Variants in TSPAN15 observed in about 807,000 individuals in gnomAD.
TSPAN15 encodes tetraspanin-15.
Under a neutral mutation model 34.5 loss-of-function variants are expected in TSPAN15, and 20 were observed. The observed-to-expected ratio is 0.58, with a 90% CI of 0.41 to 0.84. TSPAN15 has a LOEUF of 0.84. Ranked by LOEUF, TSPAN15 falls within the 40% of genes least tolerant of loss-of-function variation. The pLI is 0.00. For missense variants in TSPAN15, 313 were observed against 386.1 expected (o/e 0.81, Z 1.59); for synonymous variants, 155 against 153.9 (o/e 1.01, Z -0.05).
chr10:69,517,394 G>A, the TSPAN15 span, among the ~76,000 whole-genome samples: 2 of 152,338 alleles, frequency 1.3e-5, no homozygotes, highest in Non-Finnish European at 1.5e-5. Context: ...AGGAGCTGCC[G>A]GGGGCTCGGC....
At chr10:69,484,744 G>A (rs1444591396) in intron 2 of TSPAN15, among the ~76,000 whole-genome samples, 1 of 152,106 alleles carries the variant, frequency 6.6e-6, no homozygotes, top group African/African-American at 2.4e-5. Context: ...TCACATCTGA[G>A]GGCTCTCTGT....
chr10:69,537,499 C>A, the TSPAN15 span, among the ~76,000 whole-genome samples: 2 of 152,196 alleles, frequency 1.3e-5, no homozygotes, highest in Admixed American at 1.3e-4. Flanking sequence ...GTCGTCAGGG[C>A]CAGGCTCCCT....
chr10:69,524,137 A>C, the TSPAN15 span, among the ~76,000 whole-genome samples: 1 of 148,038 alleles, frequency 6.8e-6, no homozygotes, highest in Non-Finnish European at 1.5e-5. Context: ...CTCAGTCCTG[A>C]TGGTTCAGTA....
Position 69,507,524 on chromosome 10 carries a change from G to A in TSPAN15, c.*546G>A, listed in dbSNP as rs1305557794. On this transcript the variant is annotated 3_prime_UTR_variant, in exon 8 of 8. Transcript: ENST00000373290. ...TTCCTTGAGCCTAGTTTTTTTACGT[G>A]ATTTTTGTAACATTCATTTTTTTGT... 1 of 1,304,152 alleles carries A rather than the reference G, an allele frequency of 7.7e-7. No individual in the cohort carries two copies. Among genetic ancestry groups the A allele is most frequent in the Non-Finnish European group, 1.0e-6 (1 of 989,034 alleles). The allele number at this position is 1,304,152 out of a possible 1,614,324, so 80.8% of individuals were successfully genotyped here.
chr10:69,463,127 C>A (rs766115384), intron 1 of TSPAN15, among the ~76,000 whole-genome samples: 3 of 152,226 alleles, frequency 2.0e-5, no homozygotes, highest in Middle Eastern at 3.2e-3. Flanking sequence ...GGTTTCTATG[C>A]AGTTACCTTT....
At chr10:69,544,606 G>A in the TSPAN15 span, among the ~76,000 whole-genome samples, 1 of 152,208 alleles carries the variant, frequency 6.6e-6, no homozygotes, top group Admixed American at 6.5e-5. Flanking sequence ...CTTAACTTTG[G>A]TTGCCCAACA....
chr10:69,509,208 T>A (rs2133176085), downstream of TSPAN15, among the ~76,000 whole-genome samples: 1 of 152,218 alleles, frequency 6.6e-6, no homozygotes, highest in Non-Finnish European at 1.5e-5. Context: ...TCTTCCCTCT[T>A]TCCAGCACCA....
chr10:69,453,044 A>T (rs1841008912), intron 1 of TSPAN15, among the ~76,000 whole-genome samples: 1 of 152,160 alleles, frequency 6.6e-6, no homozygotes, highest in Admixed American at 6.5e-5. Context: ...TGGGCCTCAG[A>T]ACTGTTCATT....
At chr10:69,473,043 A>C (rs1351978720) in intron 1 of TSPAN15, among the ~76,000 whole-genome samples, 3 of 152,112 alleles carry the variant, frequency 2.0e-5, no homozygotes, top group African/African-American at 4.8e-5. Context: ...CATAGTTAAT[A>C]CTCTCAATAT....
At position 69,506,793 on chromosome 10, in the gene TSPAN15, C is replaced by T. The variant is rs921132179; in HGVS notation, c.736-36C>T. ...CTGCAGGGAGGGCTGCCCTGATTCC[C>T]AGCAGGCCCTCACCAGCCCTGCCCC... is the stretch of plus-strand genomic sequence containing the variant. On this transcript the variant is annotated intron_variant, in intron 7 of 7. Transcript: ENST00000373290. The surrounding 1 kb of genome is among the most constrained non-coding windows in gnomAD (Gnocchi z 4.7). 6.5e-7 allele frequency: 1 copy of T among 1,548,668 alleles called. No individual in the cohort carries two copies.
At chr10:69,521,860 A>G in the TSPAN15 span, among the ~76,000 whole-genome samples, 4 of 147,438 alleles carry the variant, frequency 2.7e-5, 1 homozygote, top group Non-Finnish European at 6.0e-5. Flanking sequence ...CCATAATGAC[A>G]TTAACCGATT....
chr10:69,543,989 A>G, the TSPAN15 span, among the ~76,000 whole-genome samples: 1 of 151,228 alleles, frequency 6.6e-6, no homozygotes, highest in Non-Finnish European at 1.5e-5. Flanking sequence ...GGAGATTGGA[A>G]CTGGGGGGCT....
chr10:69,497,084 G>A (rs1842101725), intron 4 of TSPAN15, among the ~76,000 whole-genome samples: 2 of 152,206 alleles, frequency 1.3e-5, no homozygotes, highest in South Asian at 4.1e-4. Context: ...GGCTCAGAGA[G>A]GCTGACCAAC....
At chr10:69,484,478 G>A (rs1410754586) in intron 2 of TSPAN15, among the ~76,000 whole-genome samples, 3 of 152,230 alleles carry the variant, frequency 2.0e-5, no homozygotes, top group Non-Finnish European at 4.4e-5. Context: ...TGGGGTGAGG[G>A]ATGACTCCCT....
At position 69,493,516 on chromosome 10, in the gene TSPAN15, A is replaced by T. The variant is rs764034610; in HGVS notation, c.358-2078A>T. On this transcript the variant is annotated intron_variant, in intron 3 of 7. Transcript: ENST00000373290. ...GAGACAGAGTCTTGCTCTGTCACCCAGTCTAGAGTGCAGTGGTGCCATCTC... is the reference window on the plus strand; with the variant it reads ...GAGACAGAGTCTTGCTCTGTCACCCTGTCTAGAGTGCAGTGGTGCCATCTC... Among the ~76,000 whole-genome samples the T allele has an allele frequency of 8.2e-4, 102 of 124,402 alleles. 1 individual carries two copies. Among genetic ancestry groups the T allele is most frequent in the Admixed American group, 2.7e-3 (27 of 9,932 alleles). The allele number at this position is 124,402 out of a possible 152,430, so 81.6% of individuals were successfully genotyped here.
At chr10:69,493,310 C>T (rs1382712423) in intron 3 of TSPAN15, among the ~76,000 whole-genome samples, 4 of 152,188 alleles carry the variant, frequency 2.6e-5, no homozygotes, top group African/African-American at 4.8e-5. Flanking sequence ...GGGCCATGGG[C>T]TGGTGAGTTG....
In TSPAN15 at chr10:69,507,063, G is replaced by C; in HGVS notation, c.*85G>C. Reference sequence around the variant, plus strand: ...CATCGTGGGGCTGGACAGGGCTGCGGCCCCTCTGCCCACACTCAGTACTGA... The same window carrying C: ...CATCGTGGGGCTGGACAGGGCTGCGCCCCCTCTGCCCACACTCAGTACTGA... On this transcript the variant is annotated 3_prime_UTR_variant, in exon 8 of 8. Transcript: ENST00000373290. 1 of 1,547,720 alleles carries C rather than the reference G, an allele frequency of 6.5e-7. No homozygotes were observed. Among genetic ancestry groups the C allele is most frequent in the Non-Finnish European group, 8.7e-7 (1 of 1,147,944 alleles).
the TSPAN15 span, among the ~76,000 whole-genome samples, chr10:69,533,305 A>C: frequency 6.6e-6 from 1 of 151,982 alleles, no homozygotes; most frequent in Non-Finnish European, 1.5e-5. Context: ...AAACTGTGAT[A>C]TATATATATA....
Position 69,506,946 on chromosome 10 carries a change from G to C in TSPAN15, c.853G>C (p.Gly285Arg). 6.2e-7 allele frequency: 1 copy of C among 1,609,894 alleles called. No individual in the cohort carries two copies. The highest frequency in any genetic ancestry group is 1.1e-5 in the South Asian group (1 of 89,698). Residue 285 changes from glycine (G) to arginine (R), a missense_variant, in exon 8 of 8, where the codon GGC becomes CGC. Coordinates refer to ENST00000373290, the MANE Select transcript of TSPAN15 (RefSeq NM_012339.5). The surrounding 1 kb of genome is among the most constrained non-coding windows in gnomAD (Gnocchi z 4.7). ...PGAKPSVEAA[G>R]TGCCLCYPN Reference sequence around the variant, plus strand: ...TGCCAAGCCCAGCGTGGAGGCGGCAGGCACGGGATGCTGCTTGTGCTACCC... The same window carrying C: ...TGCCAAGCCCAGCGTGGAGGCGGCACGCACGGGATGCTGCTTGTGCTACCC...
Sources: gnomAD v4.1 joint callset for allele counts (sites outside exome capture counted in the v4.1 genomes callset) on GRCh38, gnomAD v4.1.1 for gene constraint, Gnocchi (gnomAD v3.1) non-coding constraint, MANE v1.5 for transcripts, NCBI Gene and HGNC (gene_info 2026-07-23, HGNC 2026-07-21) for gene names.